Variants in PLD1 observed in about 807,000 individuals in gnomAD.
PLD1 encodes the protein phospholipase D1.
In PLD1, 112 loss-of-function variants were observed where a neutral mutation model predicts 137.1. That is an observed-to-expected ratio of 0.82 (90% CI 0.70 to 0.96). PLD1 has a LOEUF of 0.96. Ranked by LOEUF, PLD1 falls within the 40% of genes least tolerant of loss-of-function variation. PLD1 has a pLI of 0.00. For missense variants in PLD1, 1,321 were observed against 1,342.0 expected (o/e 0.98, Z 0.24); for synonymous variants, 431 against 454.7 (o/e 0.95, Z 0.66).
rs1714124296 is a variant in PLD1, at chr3:171,682,595, A to C, written c.1867+4090T>G. ...GTTTCAAGTTTTATAAGGCAACCTG[A>C]GTTTTTAAGGTATTACATGATTTAA... On this transcript the variant is annotated intron_variant, in intron 16 of 26. Coordinates refer to ENST00000351298, the MANE Select transcript of PLD1 (RefSeq NM_002662.5). 3.3e-5 allele frequency among the ~76,000 whole-genome samples: 5 copies of C among 152,256 alleles called. No homozygotes were observed. In the South Asian group the frequency reaches 1.0e-3, roughly 31 times the overall value.
chr3:171,684,026 G>A (rs891646457), intron 16 of PLD1, among the ~76,000 whole-genome samples: 2 of 152,014 alleles, frequency 1.3e-5, no homozygotes, highest in Non-Finnish European at 2.9e-5. Context: ...TCTCAACAAT[G>A]CTACACTAGA....
chr3:171,652,134 C>T (rs903617883), intron 21 of PLD1, among the ~76,000 whole-genome samples: 1 of 152,068 alleles, frequency 6.6e-6, no homozygotes, highest in African/African-American at 2.4e-5. Flanking sequence ...TGTGTTTTGG[C>T]CAGGCGCGGT....
At chr3:171,713,151 T>G (rs1450676494) in intron 9 of PLD1, among the ~76,000 whole-genome samples, 1 of 152,170 alleles carries the variant, frequency 6.6e-6, no homozygotes, top group Non-Finnish European at 1.5e-5. Flanking sequence ...TAAATGTACA[T>G]GAGTGTCCTT....
chr3:171,629,003 T>G (rs1218892883), intron 23 of PLD1, among the ~76,000 whole-genome samples: 3 of 147,096 alleles, frequency 2.0e-5, no homozygotes, highest in Non-Finnish European at 3.0e-5. Flanking sequence ...TGTTGGAAGT[T>G]CTGGCCAGGG....
chr3:171,750,525 T>G (rs956553177), intron 1 of PLD1, among the ~76,000 whole-genome samples: 1 of 151,608 alleles, frequency 6.6e-6, no homozygotes, highest in African/African-American at 2.4e-5. Flanking sequence ...GTGAAAGAAA[T>G]AAATTTACAG....
At chr3:171,744,595 T>G (rs6800474) in intron 1 of PLD1, among the ~76,000 whole-genome samples, 5,426 of 152,308 alleles carry the variant, frequency 0.036, 233 homozygotes, top group African/African-American at 0.1. Flanking sequence ...ATATACAGAC[T>G]GGTGCTAAAT....
Position 171,612,133 on chromosome 3 carries a change from T to C in PLD1, c.2882+146A>G. On this transcript the variant is annotated intron_variant, in intron 25 of 26. Coordinates refer to ENST00000351298, the MANE Select transcript of PLD1 (RefSeq NM_002662.5). This position sits in a 1 kb window ranked among gnomAD's most constrained non-coding sequence, Gnocchi z 4.1. ...CACCTAAAGTCATTTCGCATACTAC[T>C]GGTGGTACATATCCTATATTCTGGG... The C allele has an allele frequency of 1.6e-6, 1 of 632,218 alleles. No homozygotes were observed. The highest frequency in any genetic ancestry group is 2.8e-6 in the Non-Finnish European group (1 of 360,710). The allele number at this position is 632,218 out of a possible 1,614,324, so 39.2% of individuals were successfully genotyped here.
chr3:171,784,810 T>A (rs1221678752), intron 1 of PLD1, among the ~76,000 whole-genome samples: 1 of 152,204 alleles, frequency 6.6e-6, no homozygotes, highest in Non-Finnish European at 1.5e-5. Context: ...CATAGCTACC[T>A]ATAGATAGCA....
intron 12 of PLD1, among the ~76,000 whole-genome samples, chr3:171,694,977 T>C (rs1715547266): frequency 6.6e-6 from 1 of 152,220 alleles, no homozygotes; most frequent in African/African-American, 2.4e-5. Flanking sequence ...AGAAAGTTCA[T>C]TTGTATGTGG....
chr3:171,787,598 A>C lies in PLD1; in HGVS notation c.-32+22801T>G, dbSNP rs1723058305. Among the ~76,000 whole-genome samples the C allele has an allele frequency of 3.9e-5, 6 of 152,266 alleles. No individual in the cohort carries two copies. The South Asian group carries it at 1.2e-3, about 32-fold the overall frequency. ...TTTGCATATTTTATAACTCATTTGA[A>C]TGTCATCATACCCAGAAAATAAAAT... On this transcript the variant is annotated intron_variant, in intron 1 of 26. Coordinates refer to ENST00000351298, the MANE Select transcript of PLD1 (RefSeq NM_002662.5).
At chr3:171,784,375 A>C (rs1722910077) in intron 1 of PLD1, among the ~76,000 whole-genome samples, 1 of 152,154 alleles carries the variant, frequency 6.6e-6, no homozygotes, top group Non-Finnish European at 1.5e-5. Flanking sequence ...AGAAGGAAAA[A>C]AAAAAAAAAG....
intron 9 of PLD1, 86 bp from the exon 10 acceptor site, chr3:171,709,795 A>C: frequency 8.3e-7 from 1 of 1,204,108 alleles, no homozygotes; most frequent in Non-Finnish European, 1.1e-6. Flanking sequence ...ACCAAACACA[A>C]ACTGAAAATT....
At chr3:171,745,847 G>A (rs1352317005) in intron 1 of PLD1, among the ~76,000 whole-genome samples, 2 of 152,068 alleles carry the variant, frequency 1.3e-5, no homozygotes, top group African/African-American at 2.4e-5. Context: ...CTGGGCTGGC[G>A]GAGGCCAGAG....
intron 1 of PLD1, among the ~76,000 whole-genome samples, chr3:171,780,855 A>C (rs879391534): frequency 1.3e-5 from 2 of 152,200 alleles, no homozygotes; most frequent in East Asian, 1.9e-4. Flanking sequence ...CACGGATTAA[A>C]AGACCAAATA....
At chr3:171,642,819 A>AG (rs1314639643) in intron 23 of PLD1, 21 bp downstream of exon 23, 2 of 1,434,786 alleles carry the variant, frequency 1.4e-6, no homozygotes, top group African/African-American at 2.9e-5. Context: ...CAATGATATG[A>AG]GAAAAAAAGC....
chr3:171,636,684 T>G (rs948839392), intron 23 of PLD1, among the ~76,000 whole-genome samples: 2 of 152,094 alleles, frequency 1.3e-5, no homozygotes, highest in Non-Finnish European at 2.9e-5. Context: ...TAGAATTTCC[T>G]GCATACAAGA....
intron 23 of PLD1, among the ~76,000 whole-genome samples, chr3:171,635,965 C>CATTTTTTTTTTTTTTTTTTTTTTTTT (rs1735077528): frequency 2.0e-5 from 1 of 49,252 alleles, no homozygotes; most frequent in Non-Finnish European, 4.4e-5. Flanking sequence ...GGTTCAACTT[C>CATTTTTTTTTTTTTTTTTTTTTTTTT]TTTTTTTTTT....
chr3:171,736,971 T>C (rs769757290), intron 3 of PLD1, among the ~76,000 whole-genome samples: 5 of 152,224 alleles, frequency 3.3e-5, no homozygotes, highest in Non-Finnish European at 5.9e-5. Context: ...CAGTGAAATA[T>C]CACGTGAATG....
At chr3:171,794,901 T>C (rs1723368782) in intron 1 of PLD1, among the ~76,000 whole-genome samples, 6 of 152,246 alleles carry the variant, frequency 3.9e-5, no homozygotes, top group Admixed American at 3.9e-4. Context: ...GCTATATAGA[T>C]TTAATGATAA....
Sources: allele counts gnomAD v4.1 joint callset (sites outside exome capture counted in the v4.1 genomes callset), GRCh38; gene constraint gnomAD v4.1.1; non-coding constraint Gnocchi (gnomAD v3.1); transcripts MANE v1.5; gene names NCBI Gene and HGNC (gene_info 2026-07-23, HGNC 2026-07-21).